The following PCBP3 variants were observed in gnomAD, a reference collection of about 807,000 sequenced individuals.
PCBP3 encodes poly(rC)-binding protein 3.
A neutral mutation model predicts 52.7 loss-of-function variants in PCBP3; 25 were observed. The ratio of observed to expected loss-of-function variants is 0.47; its 90% CI spans 0.35 to 0.66. The LOEUF (loss-of-function observed/expected upper bound fraction) is 0.66, where lower values mean the gene tolerates loss of function less well. PCBP3 is among the 30% of genes least tolerant of loss of function. The pLI is 0.01. For synonymous variants in PCBP3, 162 were observed against 183.0 expected, an observed-to-expected ratio of 0.89 and a Z score of 0.93; for missense variants, 391 against 490.3, an observed-to-expected ratio of 0.80 and a Z score of 1.91.
At chr21:45,649,754 T>G (rs565035450) in intron 1 of PCBP3, among the ~76,000 whole-genome samples, 1 of 152,304 alleles carries the variant, frequency 6.6e-6, no homozygotes, top group Admixed American at 6.5e-5. Context: ...GTTTTTCATT[T>G]AAAAGAAATG....
At chr21:45,849,272 C>G (rs1249793703) in intron 4 of PCBP3, among the ~76,000 whole-genome samples, 1 of 148,912 alleles carries the variant, frequency 6.7e-6, no homozygotes, top group East Asian at 2.1e-4. Flanking sequence ...GTGGCGCAAT[C>G]TCAGCTCACT....
chr21:45,672,514 A>T (rs150834667), intron 2 of PCBP3, among the ~76,000 whole-genome samples: 1 of 151,944 alleles, frequency 6.6e-6, no homozygotes, highest in Non-Finnish European at 1.5e-5. Context: ...TTTCTCCCCA[A>T]TTCTAGTAGC....
intron 2 of PCBP3, among the ~76,000 whole-genome samples, chr21:45,684,490 G>A (rs954716598): frequency 5.3e-4 from 80 of 152,252 alleles, no homozygotes; most frequent in African/African-American, 1.7e-3. Flanking sequence ...GATCATGGGG[G>A]AAGATCCCTC....
chr21:45,822,637 C>T (rs755170605), intron 4 of PCBP3, among the ~76,000 whole-genome samples: 15 of 147,596 alleles, frequency 1.0e-4, no homozygotes, highest in South Asian at 6.6e-4. Flanking sequence ...GGGGCGGACC[C>T]GGCATGGGAC....
chr21:45,845,813 T>C (rs941381027), intron 4 of PCBP3, among the ~76,000 whole-genome samples: 2 of 152,256 alleles, frequency 1.3e-5, no homozygotes, highest in Admixed American at 6.5e-5. Context: ...TGTGACACCC[T>C]TGGGGTCCTT....
chr21:45,797,268 G>T (rs1046903152), intron 4 of PCBP3, among the ~76,000 whole-genome samples: 3 of 152,196 alleles, frequency 2.0e-5, no homozygotes, highest in African/African-American at 7.2e-5. Context: ...TGCATGGATG[G>T]ACGAATGCAT....
chr21:45,935,951 G>A (rs1603560128), intron 16 of PCBP3, among the ~76,000 whole-genome samples: 1 of 152,354 alleles, frequency 6.6e-6, no homozygotes, highest in South Asian at 2.1e-4. Context: ...GGGAGGGCAT[G>A]GGCCACATGT....
At chr21:45,726,041 C>T (rs538347806) in intron 2 of PCBP3, among the ~76,000 whole-genome samples, 89 of 152,160 alleles carry the variant, frequency 5.8e-4, no homozygotes, top group Admixed American at 9.8e-4. Flanking sequence ...AGGTTTGGTA[C>T]GGAGGCTGCA....
chr21:45,763,712 C>G (rs1048577622), intron 4 of PCBP3: 6 of 152,480 alleles, frequency 3.9e-5, no homozygotes, highest in Admixed American at 3.9e-4. Context: ...GCGGGTCTCC[C>G]GTGCTGCTCG....
intron 4 of PCBP3, among the ~76,000 whole-genome samples, chr21:45,782,084 T>C (rs2090679889): frequency 6.6e-6 from 1 of 152,196 alleles, no homozygotes; most frequent in Non-Finnish European, 1.5e-5. Context: ...GCAGCATTCC[T>C]TTTTGGAGCA....
intron 3 of PCBP3, chr21:45,747,997 C>T (rs900621237): frequency 1.3e-5 from 2 of 152,322 alleles, no homozygotes; most frequent in African/African-American, 2.4e-5. Flanking sequence ...CTCATCCCTC[C>T]TCCGTGCCGT....
intron 5 of PCBP3, among the ~76,000 whole-genome samples, chr21:45,857,262 TC>T (rs1170169445): frequency 6.6e-6 from 1 of 152,214 alleles, no homozygotes; most frequent in African/African-American, 2.4e-5. Context: ...GTATTCTTTG[TC>T]TCATAATGTT....
intron 4 of PCBP3, among the ~76,000 whole-genome samples, chr21:45,768,129 G>A (rs1054316139): frequency 1.3e-5 from 2 of 152,234 alleles, no homozygotes; most frequent in African/African-American, 2.4e-5. Context: ...CACACTGTGG[G>A]GCAGTTGCCT....
intron 4 of PCBP3, among the ~76,000 whole-genome samples, chr21:45,773,209 A>G (rs1259775756): frequency 6.6e-6 from 1 of 152,090 alleles, no homozygotes; most frequent in African/African-American, 2.4e-5. Flanking sequence ...TTATAGTTCC[A>G]TGTCTTACAT....
chr21:45,764,241 G>A (rs1402777449), intron 4 of PCBP3, among the ~76,000 whole-genome samples: 1 of 151,626 alleles, frequency 6.6e-6, no homozygotes, highest in Non-Finnish European at 1.5e-5. Context: ...TCCTGCCTCA[G>A]CCTTCCGAGT....
chr21:45,910,932 G>A lies in PCBP3; in HGVS notation c.502G>A (p.Asp168Asn). The stretch of plus-strand genomic sequence containing the variant: ...AGGTGCCCAGGTGCAGGTGGCTGGG[G>A]ACATGCTGCCCAACTCCACGGAGCG... ...STGAQVQVAGDMLPNSTERAV... is the reference protein window; with the variant it reads ...STGAQVQVAGNMLPNSTERAV... Residue 168 changes from aspartate to asparagine, a missense_variant, in exon 11 of 18, where the codon GAC becomes AAC. Transcript: ENST00000681687. 6.2e-7 allele frequency: 1 copy of A among 1,610,832 alleles called. No individual in the cohort carries two copies. Among genetic ancestry groups the A allele is most frequent in the South Asian group, 1.1e-5 (1 of 91,044 alleles).
At position 45,900,636 on chromosome 21, in the gene PCBP3, G is replaced by A; in HGVS notation, c.222+13G>A. 6.3e-7 allele frequency: 1 copy of A among 1,577,982 alleles called. No homozygotes were observed. The highest frequency in any genetic ancestry group is 8.7e-7 in the Non-Finnish European group (1 of 1,148,246). On this transcript the variant is annotated intron_variant, in intron 8 of 17. Coordinates refer to ENST00000681687, the MANE Select transcript of PCBP3 (RefSeq NM_001384156.1). ...GATGCGTGAGGAGGTGAGTGTGGTGGGTCCCCACCTGTCCGCAGCCATTCC... is the reference window on the plus strand; with the variant it reads ...GATGCGTGAGGAGGTGAGTGTGGTGAGTCCCCACCTGTCCGCAGCCATTCC...
At chr21:45,931,071 C>T (rs1338551363) in intron 15 of PCBP3, among the ~76,000 whole-genome samples, 1 of 152,192 alleles carries the variant, frequency 6.6e-6, no homozygotes, top group Admixed American at 6.5e-5. Context: ...TGGGAGGCGG[C>T]CGTGGGAGCA....
chr21:45,804,050 C>T (rs1250731177), intron 4 of PCBP3, among the ~76,000 whole-genome samples: 1 of 152,204 alleles, frequency 6.6e-6, no homozygotes, highest in Non-Finnish European at 1.5e-5. Context: ...TGTTGTGGGC[C>T]TCCAGGGGAG....
Sources: allele counts gnomAD v4.1 joint callset (sites outside exome capture counted in the v4.1 genomes callset), GRCh38; gene constraint gnomAD v4.1.1; transcripts MANE v1.5; gene names NCBI Gene and HGNC (gene_info 2026-07-23, HGNC 2026-07-21).